FHIT: variants seen among roughly 807,000 people sequenced by gnomAD.
FHIT encodes the protein fragile histidine triad diadenosine triphosphatase.
FHIT carries 19 observed loss-of-function variants against 17.9 expected under a neutral mutation model. The ratio of observed to expected loss-of-function variants is 1.06; its 90% CI spans 0.74 to 1.56. The LOEUF is 1.56. Among genes scored for constraint, FHIT ranks in the 40% most tolerant of loss-of-function variants. FHIT has a pLI of 0.00. For synonymous variants in FHIT, 81 were observed against 69.7 expected (o/e 1.16, Z -0.81); for missense variants, 248 against 189.2 (o/e 1.31, Z -1.82).
At chr3:60,284,828 T>G (rs1432396896) in intron 5 of FHIT, among the ~76,000 whole-genome samples, 3 of 152,138 alleles carry the variant, frequency 2.0e-5, no homozygotes, top group Non-Finnish European at 4.4e-5. Context: ...ATGTGGCGTG[T>G]CTGTTCAATA....
chr3:60,061,595 G>A lies in FHIT; in HGVS notation c.104-47443C>T, dbSNP rs141178192. On this transcript the variant is annotated intron_variant, in intron 5 of 9. Transcript: ENST00000492590. ...AAAATATTGCAGCTGAATGTAAATTGTTAGGCAACCAGATCACAGCAGGAT... is the reference window on the plus strand; with the variant it reads ...AAAATATTGCAGCTGAATGTAAATTATTAGGCAACCAGATCACAGCAGGAT... 2.9e-3 allele frequency among the ~76,000 whole-genome samples: 446 copies of A among 152,302 alleles called. 1 individual carries two copies. The highest frequency in any genetic ancestry group is 0.01 in the African/African-American group (417 of 41,566).
intron 5 of FHIT, among the ~76,000 whole-genome samples, chr3:60,441,239 C>T (rs1309651553): frequency 2.0e-5 from 3 of 152,036 alleles, no homozygotes; most frequent in Non-Finnish European, 4.4e-5. Context: ...TATACCTTTG[C>T]CCTCTTCAGA....
At chr3:59,908,677 G>C (rs1575678222) in intron 8 of FHIT, among the ~76,000 whole-genome samples, 1 of 152,022 alleles carries the variant, frequency 6.6e-6, no homozygotes, top group East Asian at 1.9e-4. Context: ...CCAGAATACA[G>C]AATCTGAATT....
chr3:60,611,603 A>G (rs1267403151), intron 4 of FHIT, among the ~76,000 whole-genome samples: 5 of 152,176 alleles, frequency 3.3e-5, no homozygotes, highest in Admixed American at 3.3e-4. Flanking sequence ...TGTTGTTTAC[A>G]TAGTATTTTG....
intron 5 of FHIT, among the ~76,000 whole-genome samples, chr3:60,394,918 G>A (rs1462393404): frequency 6.6e-6 from 1 of 152,106 alleles, no homozygotes. Flanking sequence ...TGTGAAGGAA[G>A]ACTATATAGG....
intron 4 of FHIT, among the ~76,000 whole-genome samples, chr3:60,785,897 ACAC>A (rs1559720885): frequency 0.099 from 13,207 of 133,526 alleles, 744 homozygotes; most frequent in African/African-American, 0.16. Flanking sequence ...CAAACAGAAG[ACAC>A]ACACACACAC....
chr3:60,702,143 C>T (rs936924133), intron 4 of FHIT, among the ~76,000 whole-genome samples: 2 of 152,172 alleles, frequency 1.3e-5, no homozygotes, highest in African/African-American at 2.4e-5. Flanking sequence ...GGATTATAGG[C>T]GTGAGCCACT....
intron 2 of FHIT, among the ~76,000 whole-genome samples, chr3:61,068,183 T>G (rs2034677412): frequency 6.6e-6 from 1 of 152,236 alleles, no homozygotes. Context: ...CTTACTATTC[T>G]GTGGGTCAGA....
chr3:60,644,212 T>A (rs1298301605), intron 4 of FHIT, among the ~76,000 whole-genome samples: 2 of 152,226 alleles, frequency 1.3e-5, no homozygotes, highest in African/African-American at 2.4e-5. Context: ...AGAGAAAATT[T>A]AACATGCTTT....
intron 2 of FHIT, among the ~76,000 whole-genome samples, chr3:61,161,359 G>A (rs1280062722): frequency 5.9e-5 from 9 of 151,848 alleles, no homozygotes; most frequent in African/African-American, 9.7e-5. Context: ...ATGCCACCAC[G>A]CCCGGCTCAT....
At chr3:60,930,797 G>A (rs1707911189) in intron 3 of FHIT, among the ~76,000 whole-genome samples, 1 of 152,186 alleles carries the variant, frequency 6.6e-6, no homozygotes, top group African/African-American at 2.4e-5. Flanking sequence ...CATTGTGGAA[G>A]TCAGTGTGGT....
chr3:60,795,126 T>C (rs888910881), intron 4 of FHIT, among the ~76,000 whole-genome samples: 1 of 152,216 alleles, frequency 6.6e-6, no homozygotes, highest in Non-Finnish European at 1.5e-5. Flanking sequence ...TTTCACTTCA[T>C]GTGTTTTGTA....
chr3:59,976,460 C>T (rs1414181262), intron 7 of FHIT, among the ~76,000 whole-genome samples: 1 of 151,850 alleles, frequency 6.6e-6, no homozygotes, highest in East Asian at 1.9e-4. Context: ...GAAAATAAGT[C>T]AAAGTTTCTT....
At chr3:61,127,099 C>G (rs73839930) in intron 2 of FHIT, among the ~76,000 whole-genome samples, 7,486 of 152,190 alleles carry the variant, frequency 0.049, 614 homozygotes, top group African/African-American at 0.17. Flanking sequence ...GGTTGTGAAC[C>G]AAGGAGGGAT....
chr3:59,785,055 A>AGG (rs1559603098), intron 8 of FHIT, among the ~76,000 whole-genome samples: 2 of 151,996 alleles, frequency 1.3e-5, no homozygotes, highest in Non-Finnish European at 2.9e-5. Flanking sequence ...AGAGAGAGAG[A>AGG]GGGGAGTTGC....
intron 4 of FHIT, among the ~76,000 whole-genome samples, chr3:60,702,316 A>C (rs188485675): frequency 7.3e-4 from 111 of 152,320 alleles, no homozygotes; most frequent in African/African-American, 2.5e-3. Flanking sequence ...AAAAAGTAAA[A>C]ATGAAACCTG....
intron 5 of FHIT, among the ~76,000 whole-genome samples, chr3:60,141,798 C>G (rs1215595494): frequency 6.6e-6 from 1 of 152,098 alleles, no homozygotes; most frequent in Non-Finnish European, 1.5e-5. Context: ...TAAAATGTAC[C>G]TGGAAGGATT....
intron 5 of FHIT, among the ~76,000 whole-genome samples, chr3:60,295,074 G>A (rs985607792): frequency 6.6e-5 from 10 of 151,994 alleles, no homozygotes; most frequent in Non-Finnish European, 1.2e-4. Flanking sequence ...GTCTCAGTCC[G>A]CTTGTGTCGC....
rs200829171 is a variant in FHIT at position 60,140,121 on chromosome 3, G to GA, written c.104-125970dup. Among the ~76,000 whole-genome samples the GA allele has an allele frequency of 6.0e-3, 861 of 142,788 alleles. 9 individuals carry two copies. Among genetic ancestry groups the GA allele is most frequent in the African/African-American group, 0.016 (637 of 39,254 alleles). The allele number at this position is 142,788 out of a possible 152,430, so 93.7% of individuals were successfully genotyped here. A position where few individuals can be genotyped will look rare whatever the true frequency, so the allele number is the denominator to read the frequency against. On this transcript the variant is annotated intron_variant, in intron 5 of 9. Coordinates refer to ENST00000492590, the MANE Select transcript of FHIT (RefSeq NM_002012.4). ...GGGCAACATAGTGAGATTCCATCTC[G>GA]AAAAAAAAAAAATTGGTTAATTGTA...
Sources: gnomAD v4.1 joint callset for allele counts (sites outside exome capture counted in the v4.1 genomes callset) on GRCh38, gnomAD v4.1.1 for gene constraint, MANE v1.5 for transcripts, NCBI Gene and HGNC (gene_info 2026-07-23, HGNC 2026-07-21) for gene names.